The following NPAS3 variants were observed in gnomAD, a reference collection of about 807,000 sequenced individuals.
The protein encoded by NPAS3 is neuronal PAS domain protein 3, also known as neuronal PAS domain-containing protein 3.
NPAS3 carries 14 observed loss-of-function variants against 73.1 expected under a neutral mutation model. That is an observed-to-expected ratio of 0.19 (90% CI 0.13 to 0.30). The LOEUF is 0.30. NPAS3 is among the 10% of genes least tolerant of loss of function. The pLI, the probability that NPAS3 is intolerant of heterozygous loss-of-function variation, is 1.00. For synonymous variants in NPAS3, 620 were observed against 541.5 expected, an observed-to-expected ratio of 1.14 and a Z score of -2.01; for missense variants, 1,096 against 1,250.0, an observed-to-expected ratio of 0.88 and a Z score of 1.86.
rs750530157 is a variant in NPAS3, at chr14:33,560,115, C to G, written c.469-6C>G. 1 of 851,680 alleles carries G rather than the reference C, an allele frequency of 1.2e-6. No homozygotes were observed. The highest frequency in any genetic ancestry group is 2.4e-5 in the East Asian group (1 of 41,360). The allele number at this position is 851,680 out of a possible 1,614,324, so 52.8% of individuals were successfully genotyped here. A position where few individuals can be genotyped will look rare whatever the true frequency, so the allele number is the denominator to read the frequency against. On this transcript the variant is annotated splice_polypyrimidine_tract_variant and splice_region_variant and intron_variant, in intron 4 of 11. Transcript: ENST00000356141. ...TCTATTTATATATTTATTCTTTTTC[C>G]TGCAGTCCCTGGATGGCTTTGTATT...
chr14:33,468,839 C>T (rs1351489981), intron 4 of NPAS3, among the ~76,000 whole-genome samples: 1 of 152,120 alleles, frequency 6.6e-6, no homozygotes, highest in East Asian at 1.9e-4. Context: ...TACTGTCACA[C>T]AATTCTTTAA....
chr14:33,080,401 C>A lies in NPAS3; in HGVS notation c.140+24407C>A, dbSNP rs532119205. On this transcript the variant is annotated intron_variant, in intron 2 of 11. Coordinates refer to ENST00000356141, the Ensembl canonical transcript of NPAS3. ...GATTACAGGCGTGAGCCACCGCGCC[C>A]GGCCCCAGTCTGATTTTTTTAGGGG... Among the ~76,000 whole-genome samples the A allele has an allele frequency of 3.3e-5, 5 of 152,290 alleles. No homozygotes were observed. The East Asian group carries it at 9.7e-4, about 29-fold the overall frequency.
chr14:33,119,111 A>T (rs2043152529), intron 2 of NPAS3, among the ~76,000 whole-genome samples: 1 of 152,014 alleles, frequency 6.6e-6, no homozygotes, highest in Non-Finnish European at 1.5e-5. Flanking sequence ...ATACCAGCAA[A>T]ACTTCACAAG....
At chr14:33,610,721 C>G (rs2057723173) in intron 5 of NPAS3, among the ~76,000 whole-genome samples, 1 of 152,020 alleles carries the variant, frequency 6.6e-6, no homozygotes, top group African/African-American at 2.4e-5. Flanking sequence ...TATCCTAATC[C>G]CAGTATCAAA....
chr14:33,160,509 G>GA (rs1192580633), intron 2 of NPAS3, among the ~76,000 whole-genome samples: 2 of 103,516 alleles, frequency 1.9e-5, no homozygotes, highest in Non-Finnish European at 3.7e-5. Flanking sequence ...GGGGAGGGGG[G>GA]AGGGATAGCA....
intron 2 of NPAS3, among the ~76,000 whole-genome samples, chr14:33,211,887 G>A (rs924324255): frequency 6.6e-6 from 1 of 152,056 alleles, no homozygotes; most frequent in Non-Finnish European, 1.5e-5. Flanking sequence ...TAGAGCAATG[G>A]GAAGTTTAGG....
chr14:33,509,096 G>A (rs1346242831), intron 4 of NPAS3, among the ~76,000 whole-genome samples: 1 of 151,072 alleles, frequency 6.6e-6, no homozygotes, highest in African/African-American at 2.4e-5. Context: ...CTATATGTAA[G>A]TAAGAGGATT....
chr14:33,531,084 T>C (rs919505911), intron 4 of NPAS3, among the ~76,000 whole-genome samples: 2 of 152,206 alleles, frequency 1.3e-5, no homozygotes, highest in Middle Eastern at 3.4e-3. Context: ...TTTGAAGATG[T>C]CTGAGAAGAC....
chr14:33,302,950 A>G (rs927880172), intron 3 of NPAS3, among the ~76,000 whole-genome samples: 3 of 147,126 alleles, frequency 2.0e-5, no homozygotes, highest in African/African-American at 5.0e-5. Flanking sequence ...TTTATTTTCT[A>G]TTAGCACCAA....
intron 2 of NPAS3, among the ~76,000 whole-genome samples, chr14:33,064,845 T>G (rs1328134079): frequency 6.6e-6 from 1 of 152,238 alleles, no homozygotes; most frequent in East Asian, 1.9e-4. Flanking sequence ...TATAGATGTA[T>G]ATCCATGTAT....
chr14:33,529,381 C>T (rs181937539), intron 4 of NPAS3, among the ~76,000 whole-genome samples: 290 of 152,082 alleles, frequency 1.9e-3, no homozygotes, highest in African/African-American at 6.7e-3. Flanking sequence ...AAAATAACCT[C>T]GTAACAGTGG....
At chr14:33,748,252 G>A (rs1202861038) in intron 7 of NPAS3, among the ~76,000 whole-genome samples, 2 of 152,172 alleles carry the variant, frequency 1.3e-5, no homozygotes, top group Non-Finnish European at 2.9e-5. Context: ...TGTAGCCAAT[G>A]GAATTATACA....
intron 2 of NPAS3, among the ~76,000 whole-genome samples, chr14:33,126,013 G>C (rs1369721184): frequency 6.6e-6 from 1 of 152,146 alleles, no homozygotes; most frequent in Non-Finnish European, 1.5e-5. Context: ...AAGGTCACAA[G>C]AAGAGCCGCC....
intron 6 of NPAS3, among the ~76,000 whole-genome samples, chr14:33,726,131 A>G (rs1313043243): frequency 6.6e-6 from 1 of 152,036 alleles, no homozygotes; most frequent in African/African-American, 2.4e-5. Flanking sequence ...TCAAGTCTCT[A>G]TTTTCACCCC....
chr14:33,684,247 T>TCTC (rs904462587), intron 6 of NPAS3, among the ~76,000 whole-genome samples: 5 of 150,904 alleles, frequency 3.3e-5, no homozygotes, highest in African/African-American at 1.2e-4. Context: ...TTTAACATAG[T>TCTC]CTCTTACTTA....
Position 33,797,438 on chromosome 14 carries a change from C to A in NPAS3, c.1302-19C>A, listed in dbSNP as rs756449427. 197 of 1,613,490 alleles carry A rather than the reference C, an allele frequency of 1.2e-4. No homozygotes were observed. Among genetic ancestry groups the A allele is most frequent in the Non-Finnish European group, 1.5e-4 (177 of 1,179,732 alleles). On this transcript the variant is annotated intron_variant, in intron 10 of 11. Transcript: ENST00000356141. ...CAGAATGGGTGTCTGCACTCCTGAC[C>A]AGTGCCTCCCTTCCACAGCAATCCT...
At chr14:33,051,489 G>A (rs2040710633) in intron 1 of NPAS3, among the ~76,000 whole-genome samples, 1 of 152,070 alleles carries the variant, frequency 6.6e-6, no homozygotes, top group Non-Finnish European at 1.5e-5. Flanking sequence ...CTGTTTCGTT[G>A]CATTTGTAGC....
chr14:33,756,174 G>A (rs376242106), intron 7 of NPAS3, among the ~76,000 whole-genome samples: 9 of 152,198 alleles, frequency 5.9e-5, no homozygotes, highest in African/African-American at 2.2e-4. Context: ...CTTTGCATTG[G>A]AATAAAGTAA....
At chr14:33,329,960 T>C (rs1237645592) in intron 3 of NPAS3, among the ~76,000 whole-genome samples, 1 of 152,012 alleles carries the variant, frequency 6.6e-6, no homozygotes, top group African/African-American at 2.4e-5. Context: ...TTAGGAAAAA[T>C]AAATATTTAC....
Sources: allele counts gnomAD v4.1 joint callset (sites outside exome capture counted in the v4.1 genomes callset), GRCh38; gene constraint gnomAD v4.1.1; transcripts MANE v1.5; gene names NCBI Gene and HGNC (gene_info 2026-07-23, HGNC 2026-07-21).